FHIT: variants seen among roughly 807,000 people sequenced by gnomAD.
The protein encoded by FHIT is bis(5'-adenosyl)-triphosphatase.
A neutral mutation model predicts 17.9 loss-of-function variants in FHIT; 19 were observed. That is an observed-to-expected ratio of 1.06 (90% CI 0.74 to 1.56). The LOEUF is 1.56. FHIT is among the 40% of genes most tolerant of loss of function. The pLI is 0.00. For missense variants in FHIT, 248 were observed against 189.2 expected (o/e 1.31, Z -1.82); for synonymous variants, 81 against 69.7 (o/e 1.16, Z -0.81).
intron 4 of FHIT, among the ~76,000 whole-genome samples, chr3:60,670,241 C>T (rs1268558690): frequency 6.6e-6 from 1 of 152,140 alleles, no homozygotes; most frequent in Non-Finnish European, 1.5e-5. Context: ...TGTAATTCTT[C>T]CAACTCTAAT....
At chr3:60,445,292 C>G (rs1187135913) in intron 5 of FHIT, among the ~76,000 whole-genome samples, 3 of 152,024 alleles carry the variant, frequency 2.0e-5, no homozygotes, top group African/African-American at 7.2e-5. Context: ...GAGAATCACT[C>G]TAGAGGACTG....
At chr3:60,474,427 A>T (rs1346718418) in intron 5 of FHIT, among the ~76,000 whole-genome samples, 8 of 152,208 alleles carry the variant, frequency 5.3e-5, no homozygotes, top group Admixed American at 1.3e-4. Flanking sequence ...AACACCAGTC[A>T]TGTTTACAGT....
At chr3:60,654,675 A>G (rs1187381273) in intron 4 of FHIT, among the ~76,000 whole-genome samples, 1 of 152,248 alleles carries the variant, frequency 6.6e-6, no homozygotes, top group Non-Finnish European at 1.5e-5. Context: ...ATCCATTTGC[A>G]CCTGATTCTA....
chr3:60,099,777 A>G lies in FHIT; in HGVS notation c.104-85625T>C, dbSNP rs76188667. Among the ~76,000 whole-genome samples the G allele has an allele frequency of 2.6e-4, 39 of 152,268 alleles. No homozygotes were observed. In the East Asian group the frequency reaches 7.3e-3, roughly 29 times the overall value. On this transcript the variant is annotated intron_variant, in intron 5 of 9. Transcript: ENST00000492590. ...AGTATTAAATGCATTTTAACTCATG[A>G]TAAGTTTATTGGGACACAGCTCCAT... is the stretch of plus-strand genomic sequence containing the variant.
At chr3:59,856,655 G>T (rs1263843484) in intron 8 of FHIT, among the ~76,000 whole-genome samples, 1 of 152,180 alleles carries the variant, frequency 6.6e-6, no homozygotes, top group Non-Finnish European at 1.5e-5. Context: ...GCTTTGGAAT[G>T]TACCATTTTT....
chr3:60,923,594 G>A (rs971458523), intron 3 of FHIT, among the ~76,000 whole-genome samples: 9 of 152,084 alleles, frequency 5.9e-5, no homozygotes, highest in East Asian at 1.9e-4. Flanking sequence ...CAAGATGGCC[G>A]AATAGGAACA....
At chr3:60,021,342 T>C (rs1700546901) in intron 5 of FHIT, among the ~76,000 whole-genome samples, 2 of 152,208 alleles carry the variant, frequency 1.3e-5, no homozygotes, top group African/African-American at 4.8e-5. Flanking sequence ...AGAATCACTT[T>C]CATCGAGAGA....
chr3:61,223,586 G>C (rs1298198495), intron 1 of FHIT, among the ~76,000 whole-genome samples: 5 of 152,160 alleles, frequency 3.3e-5, no homozygotes, highest in Non-Finnish European at 7.3e-5. Context: ...ATTTTTGCAA[G>C]GCATCCAATA....
chr3:60,734,030 G>A (rs1177348001), intron 4 of FHIT, among the ~76,000 whole-genome samples: 6 of 152,138 alleles, frequency 3.9e-5, no homozygotes, highest in African/African-American at 7.2e-5. Flanking sequence ...AGAAGAATCC[G>A]TCTGTTGGTC....
chr3:60,247,860 T>C (rs1705483000), intron 5 of FHIT, among the ~76,000 whole-genome samples: 2 of 152,320 alleles, frequency 1.3e-5, no homozygotes, highest in Admixed American at 6.5e-5. Context: ...GTGAAGGGCT[T>C]AGCACACAGT....
chr3:59,970,773 G>A (rs933519656), intron 7 of FHIT, among the ~76,000 whole-genome samples: 4 of 151,492 alleles, frequency 2.6e-5, no homozygotes, highest in African/African-American at 7.3e-5. Context: ...GTCTCGTCCG[G>A]CACTAACACA....
At chr3:59,916,332 A>G (rs977420886) in intron 8 of FHIT, among the ~76,000 whole-genome samples, 2 of 152,166 alleles carry the variant, frequency 1.3e-5, no homozygotes, top group African/African-American at 4.8e-5. Context: ...CTTCAGCAAC[A>G]GACTGAAGGC....
intron 2 of FHIT, among the ~76,000 whole-genome samples, chr3:61,182,211 C>G (rs1195249473): frequency 1.3e-5 from 2 of 152,164 alleles, no homozygotes; most frequent in Admixed American, 6.5e-5. Flanking sequence ...CCACCTTGAT[C>G]AATTAAATTC....
At chr3:60,545,074 AT>A (rs1305581075) in intron 4 of FHIT, among the ~76,000 whole-genome samples, 1 of 127,992 alleles carries the variant, frequency 7.8e-6, no homozygotes, top group East Asian at 2.4e-4. Flanking sequence ...AATCATTACA[AT>A]TTATTGTTTT....
At chr3:61,191,030 A>T (rs992288593) in intron 2 of FHIT, among the ~76,000 whole-genome samples, 4 of 152,086 alleles carry the variant, frequency 2.6e-5, no homozygotes, top group Non-Finnish European at 4.4e-5. Context: ...ATGTATACAT[A>T]TGTAACAAAC....
chr3:60,397,095 T>C (rs13098396), intron 5 of FHIT, among the ~76,000 whole-genome samples: 76,873 of 152,106 alleles, frequency 0.51, 22,154 homozygotes, highest in Non-Finnish European at 0.66. Flanking sequence ...AAATGTATTA[T>C]ACAGATAAGC....
chr3:60,442,439 T>A (rs1381185016), intron 5 of FHIT, among the ~76,000 whole-genome samples: 1 of 152,160 alleles, frequency 6.6e-6, no homozygotes, highest in African/African-American at 2.4e-5. Flanking sequence ...CATCTTGAAT[T>A]AATTTTTGTA....
At chr3:61,010,124 G>A (rs17064285) in intron 3 of FHIT, among the ~76,000 whole-genome samples, 6,522 of 151,834 alleles carry the variant, frequency 0.043, 461 homozygotes, top group African/African-American at 0.15. Context: ...GTATCTCTGC[G>A]CATATCTTCA....
chr3:60,956,663 A>T (rs2107479753), intron 3 of FHIT, among the ~76,000 whole-genome samples: 1 of 152,308 alleles, frequency 6.6e-6, no homozygotes, highest in South Asian at 2.1e-4. Flanking sequence ...AGGAGTTACC[A>T]ATTCCAACAA....
Sources: allele counts gnomAD v4.1 joint callset (sites outside exome capture counted in the v4.1 genomes callset), GRCh38; gene constraint gnomAD v4.1.1; transcripts MANE v1.5; gene names NCBI Gene and HGNC (gene_info 2026-07-23, HGNC 2026-07-21).